HOXA2: variants seen among roughly 807,000 people sequenced by gnomAD.
HOXA2 encodes the protein homeobox protein Hox-A2.
A neutral mutation model predicts 27.2 loss-of-function variants in HOXA2; 4 were observed. The ratio of observed to expected loss-of-function variants is 0.15; its 90% CI spans 0.07 to 0.34. The LOEUF (loss-of-function observed/expected upper bound fraction) is 0.34, where lower values mean the gene tolerates loss of function less well. Ranked by LOEUF, HOXA2 falls within the 10% of genes least tolerant of loss-of-function variation. The pLI is 1.00. For missense variants in HOXA2, 430 were observed against 473.2 expected (o/e 0.91, Z 0.85); for synonymous variants, 200 against 202.8 (o/e 0.99, Z 0.12).
Position 27,100,676 on chromosome 7 carries a change from C to T in HOXA2, c.*50G>A, listed in dbSNP as rs1562702832. On this transcript the variant is annotated 3_prime_UTR_variant, in exon 2 of 2. Coordinates refer to ENST00000222718, the MANE Select transcript of HOXA2 (RefSeq NM_006735.4). ...CCCAAATAAAAGAAGGCAAAACCAC[C>T]TGGTCAAAGGAGTTTTTGTTTGGTG... The T allele has an allele frequency of 6.2e-7, 1 of 1,606,490 alleles. No individual in the cohort carries two copies. Among genetic ancestry groups the T allele is most frequent in the South Asian group, 1.1e-5 (1 of 90,324 alleles).
chr7:27,101,528 G>A, intron 1 of HOXA2, 63 bp from the exon 2 acceptor site: 1 of 1,560,148 alleles, frequency 6.4e-7, no homozygotes, highest in South Asian at 1.1e-5. Flanking sequence ...TCCGAGCGGG[G>A]TTATTCCACT....
In HOXA2 at chr7:27,102,015, C is replaced by T; in HGVS notation, c.391+95G>A. Reference sequence around the variant, plus strand: ...GCATCTCTCCCTCTCCTCCTTCTCTCCCAGCCCACTCTCCCCTCCCCCCAC... The same window carrying T: ...GCATCTCTCCCTCTCCTCCTTCTCTTCCAGCCCACTCTCCCCTCCCCCCAC... On this transcript the variant is annotated intron_variant, in intron 1 of 1. Transcript: ENST00000222718. This position sits in a 1 kb window ranked among gnomAD's most constrained non-coding sequence, Gnocchi z 4.6. The T allele has an allele frequency of 6.5e-7, 1 of 1,539,252 alleles. No individual in the cohort carries two copies. The highest frequency in any genetic ancestry group is 1.4e-5 in the African/African-American group (1 of 73,704).
intron 1 of HOXA2, 197 bp from the exon 2 acceptor site, chr7:27,101,662 C>A (rs1583408109): frequency 1.4e-6 from 1 of 691,118 alleles, no homozygotes; most frequent in Non-Finnish European, 2.6e-6. Flanking sequence ...CCATCTCTAT[C>A]GAATTCATGC....
rs968963087 is a variant in HOXA2, at chr7:27,101,196, C to T, written c.661G>A (p.Glu221Lys). 7.4e-6 allele frequency: 12 copies of T among 1,614,166 alleles called. No individual in the cohort carries two copies. In the East Asian group the frequency reaches 2.0e-4, roughly 27 times the overall value. ...TCTTCCTCGTCCTCCTCTACTTTCT[C>T]GGAGTCCTCAAGGCTTTTACATTTC... ...EGKCKSLEDS[E>K]KVEEDEEEKT... is the part of the protein sequence containing the mutation. Residue 221 changes from glutamate to lysine, a missense_variant, in exon 2 of 2, where the codon GAG (glutamate) becomes AAG (lysine). Glu to Lys is a moderately conservative substitution (Grantham distance 56). This residue lies in a region of HOXA2 where 236 missense variants were observed against 208.5 expected (regional missense o/e 1.13). Coordinates refer to ENST00000222718, the MANE Select transcript of HOXA2 (RefSeq NM_006735.4).
chr7:27,102,678 T>C lies in HOXA2; in HGVS notation c.-178A>G, dbSNP rs1783950065. The C allele has an allele frequency of 1.5e-5, 9 of 608,762 alleles. No individual in the cohort carries two copies. In the South Asian group the frequency reaches 1.7e-4, roughly 12 times the overall value. 37.7% of individuals were successfully genotyped at this position (608,762 alleles called of 1,614,324 possible). A position where few individuals can be genotyped will look rare whatever the true frequency, so the allele number is the denominator to read the frequency against. On this transcript the variant is annotated 5_prime_UTR_variant, in exon 1 of 2. Transcript: ENST00000222718. The surrounding 1 kb of genome is among the most constrained non-coding windows in gnomAD (Gnocchi z 4.6). ...AGCCGTATGGGGACCGCGCTACTAT[T>C]AAACTATTGAATTCATGGAGACAAG...
At position 27,101,303 on chromosome 7, in the gene HOXA2, C is replaced by G. The variant is rs748564970; in HGVS notation, c.554G>C (p.Arg185Thr). ...EIAALLDLTE[R>T]QVKVWFQNRR... Reference sequence around the variant, plus strand: ...GTTCTGAAACCACACTTTCACTTGTCTCTCAGTCAAATCCAGCAGCGCTGC... The same window carrying G: ...GTTCTGAAACCACACTTTCACTTGTGTCTCAGTCAAATCCAGCAGCGCTGC... Residue 185 changes from arginine to threonine, a missense_variant, in exon 2 of 2, where the codon AGA (arginine) becomes ACA (threonine). Around this residue, in one of 4 missense-constraint regions of HOXA2, gnomAD observed 26 missense variants for 41.0 expected, o/e 0.63. Transcript: ENST00000222718. The G allele has an allele frequency of 2.5e-6, 4 of 1,614,210 alleles. No homozygotes were observed. Among genetic ancestry groups the G allele is most frequent in the Middle Eastern group, 3.3e-4 (2 of 6,062 alleles).
chr7:27,102,011 C>T lies in HOXA2; in HGVS notation c.391+99G>A. 6.6e-7 allele frequency: 1 copy of T among 1,524,664 alleles called. No homozygotes were observed. Among genetic ancestry groups the T allele is most frequent in the Non-Finnish European group, 8.9e-7 (1 of 1,126,190 alleles). 94.4% of individuals were successfully genotyped at this position (1,524,664 alleles called of 1,614,324 possible). ...CCAAGCATCTCTCCCTCTCCTCCTT[C>T]TCTCCCAGCCCACTCTCCCCTCCCC... On this transcript the variant is annotated intron_variant, in intron 1 of 1. Transcript: ENST00000222718. The surrounding 1 kb of genome is among the most constrained non-coding windows in gnomAD (Gnocchi z 4.6).
intron 1 of HOXA2, chr7:27,101,794 A>G (rs1783931421): frequency 4.4e-6 from 3 of 687,274 alleles, no homozygotes; most frequent in Non-Finnish European, 8.0e-6. Flanking sequence ...CATTACTGTC[A>G]AAAAGCCAAA....
At chr7:27,101,696 A>C in intron 1 of HOXA2, 1 of 658,516 alleles carries the variant, frequency 1.5e-6, no homozygotes, top group Non-Finnish European at 2.7e-6. Context: ...CAACCTCTTC[A>C]TCCGGGAGCA....
At chr7:27,101,506 G>A in intron 1 of HOXA2, 41 bp from the exon 2 acceptor site, 1 of 1,597,532 alleles carries the variant, frequency 6.3e-7, no homozygotes, top group Non-Finnish European at 8.5e-7. Context: ...CGCACAGTTG[G>A]AGGTGGAGGG....
At position 27,100,898 on chromosome 7, in the gene HOXA2, G is replaced by A. The variant is rs1201029200; in HGVS notation, c.959C>T (p.Pro320Leu). The A allele has an allele frequency of 1.2e-6, 2 of 1,614,090 alleles. No individual in the cohort carries two copies. The highest frequency in any genetic ancestry group is 1.7e-6 in the Non-Finnish European group (2 of 1,180,044). ...GAAAACGCTAAAGTCCTGCAAAGAGGGGACCTCAAGGGCCTCAGGACTGTC... is the reference window on the plus strand; with the variant it reads ...GAAAACGCTAAAGTCCTGCAAAGAGAGGACCTCAAGGGCCTCAGGACTGTC... ...NNDSPEALEV[P>L]SLQDFSVFST... The change falls in exon 2 of 2, where the codon CCC (proline) becomes CTC (leucine). Residue 320 changes from proline (P) to leucine (L), a missense_variant. Pro to Leu is a moderately conservative substitution (Grantham distance 98). Around this residue, in one of 4 missense-constraint regions of HOXA2, gnomAD observed 236 missense variants for 208.5 expected, o/e 1.13. Coordinates refer to ENST00000222718, the MANE Select transcript of HOXA2 (RefSeq NM_006735.4).
Position 27,101,076 on chromosome 7 carries a change from C to G in HOXA2, c.781G>C (p.Ala261Pro). 1.2e-6 allele frequency: 2 copies of G among 1,614,166 alleles called. No homozygotes were observed. The highest frequency in any genetic ancestry group is 1.7e-6 in the Non-Finnish European group (2 of 1,180,032). ...GAGTCGCCATTGTGTCCATTGGGAGCCTGCTGCTGAGAGAGGGCATTTTGC... is the reference window on the plus strand; with the variant it reads ...GAGTCGCCATTGTGTCCATTGGGAGGCTGCTGCTGAGAGAGGGCATTTTGC... ...FQQNALSQQQ[A>P]PNGHNGDSQS... Residue 261 changes from alanine to proline, a missense_variant, in exon 2 of 2, where the codon GCT becomes CCT. This residue lies in a region of HOXA2 where 236 missense variants were observed against 208.5 expected (regional missense o/e 1.13). Transcript: ENST00000222718.
At position 27,102,252 on chromosome 7, in the gene HOXA2, G is replaced by C; in HGVS notation, c.249C>G (p.Ser83Arg). The C allele has an allele frequency of 6.7e-7, 1 of 1,501,354 alleles. No homozygotes were observed. Among genetic ancestry groups the C allele is most frequent in the Non-Finnish European group, 8.9e-7 (1 of 1,124,858 alleles). The allele number at this position is 1,501,354 out of a possible 1,614,324, so 93.0% of individuals were successfully genotyped here. A position where few individuals can be genotyped will look rare whatever the true frequency, so the allele number is the denominator to read the frequency against. Residue 83 changes from serine to arginine, a missense_variant, in exon 1 of 2, where the codon AGC (serine) becomes AGG (arginine). Physicochemically the swap from Ser to Arg is moderately radical, Grantham distance 110. Transcript: ENST00000222718. This position sits in a 1 kb window ranked among gnomAD's most constrained non-coding sequence, Gnocchi z 4.6. ...PKPSPAGSRG[S>R]PVPAGALQPP... ...GCTGCAGGGCGCCGGCGGGCACCGGGCTGCCGCGGCTGCCCGCGGGGCTCG... is the reference window on the plus strand; with the variant it reads ...GCTGCAGGGCGCCGGCGGGCACCGGCCTGCCGCGGCTGCCCGCGGGGCTCG...
rs1783943969 is a variant in HOXA2, at chr7:27,102,322, T to C, written c.179A>G (p.Asn60Ser). The C allele has an allele frequency of 6.8e-6, 11 of 1,612,668 alleles. No homozygotes were observed. Among genetic ancestry groups the C allele is most frequent in the Non-Finnish European group, 9.3e-6 (11 of 1,179,450 alleles). The change falls in exon 1 of 2, where the codon AAC becomes AGC. Residue 60 changes from asparagine (N) to serine (S), a missense_variant. By Grantham distance (46) the Asn-to-Ser change is conservative. This residue lies in a region of HOXA2 where 166 missense variants were observed against 207.6 expected (regional missense o/e 0.80). Coordinates refer to ENST00000222718, the MANE Select transcript of HOXA2 (RefSeq NM_006735.4). The surrounding 1 kb of genome is among the most constrained non-coding windows in gnomAD (Gnocchi z 4.6). ...PPFEQTIPSL[N>S]PGSHPRHGAG... The stretch of plus-strand genomic sequence containing the variant: ...GCCGTGGCGAGGGTGACTGCCGGGG[T>C]TCAGGCTGGGAATGGTCTGCTCAAA...
chr7:27,102,172 A>T lies in HOXA2; in HGVS notation c.329T>A (p.Leu110Gln), dbSNP rs754397883. 8.3e-6 allele frequency: 13 copies of T among 1,567,894 alleles called. No individual in the cohort carries two copies. The highest frequency in any genetic ancestry group is 1.7e-4 in the Middle Eastern group (1 of 5,976). ...EKKAAKKTAL[L>Q]PAAAAAATAA... ...GGTGGCGGCGGCGGCGGCGGCCGGC[A>T]GAAGTGCGGTTTTCTTGGCCGCCTT... Residue 110 changes from leucine (L) to glutamine (Q), a missense_variant, in exon 1 of 2, where the codon CTG (leucine) becomes CAG (glutamine). Physicochemically the swap from Leu to Gln is moderately radical, Grantham distance 113. Transcript: ENST00000222718. This position sits in a 1 kb window ranked among gnomAD's most constrained non-coding sequence, Gnocchi z 4.6.
At position 27,102,139 on chromosome 7, in the gene HOXA2, G is replaced by A. The variant is rs1783938509; in HGVS notation, c.362C>T (p.Ala121Val). ...GTGGCTGAGGCAAGCAGGGCCGGTG[G>A]CTGCGGCGGTGGCGGCGGCGGCGGC... ...PAAAAAATAA[A>V]TGPACLSHKE... The change falls in exon 1 of 2, where the codon GCC (alanine) becomes GTC (valine). Residue 121 changes from alanine to valine, a missense_variant. By Grantham distance (64) the Ala-to-Val change is moderately conservative. Transcript: ENST00000222718. This position sits in a 1 kb window ranked among gnomAD's most constrained non-coding sequence, Gnocchi z 4.6. 1 of 1,597,896 alleles carries A rather than the reference G, an allele frequency of 6.3e-7. No homozygotes were observed. The highest frequency in any genetic ancestry group is 8.5e-7 in the Non-Finnish European group (1 of 1,172,906).
rs762796761 is a variant in HOXA2, at chr7:27,101,359, C to G, written c.498G>C (p.Lys166Asn). ...CCACCCTTCGGGGTCTGCAAAGGTA[C>G]TTGTTGAAATGAAATTCTTTTTCCA... ...LELEKEFHFNKYLCRPRRVEI... is the reference protein window; with the variant it reads ...LELEKEFHFNNYLCRPRRVEI... The change falls in exon 2 of 2, where the codon AAG becomes AAC. Residue 166 changes from lysine (K) to asparagine (N), a missense_variant. Physicochemically the swap from Lys to Asn is moderately conservative, Grantham distance 94. Coordinates refer to ENST00000222718, the MANE Select transcript of HOXA2 (RefSeq NM_006735.4). The G allele has an allele frequency of 9.9e-6, 16 of 1,612,520 alleles. No individual in the cohort carries two copies. Among genetic ancestry groups the G allele is most frequent in the Non-Finnish European group, 1.4e-5 (16 of 1,180,034 alleles).
Position 27,102,280 on chromosome 7 carries a change from T to C in HOXA2, c.221A>G (p.Lys74Arg). 1 of 1,593,112 alleles carries C rather than the reference T, an allele frequency of 6.3e-7. No individual in the cohort carries two copies. The highest frequency in any genetic ancestry group is 8.5e-7 in the Non-Finnish European group (1 of 1,170,160). ...HPRHGAGGRP[K>R]PSPAGSRGSP... is the part of the protein sequence containing the mutation. ...GCCGCGGCTGCCCGCGGGGCTCGGC[T>C]TGGGGCGGCCGCCAGCGCCGTGGCG... The change falls in exon 1 of 2, where the codon AAG becomes AGG. Residue 74 changes from lysine (K) to arginine (R), a missense_variant. Lys to Arg is a conservative substitution (Grantham distance 26, BLOSUM62 2). This residue lies in a region of HOXA2 where 166 missense variants were observed against 207.6 expected (regional missense o/e 0.80). Transcript: ENST00000222718. The surrounding 1 kb of genome is among the most constrained non-coding windows in gnomAD (Gnocchi z 4.6).
chr7:27,101,442 T>C lies in HOXA2; in HGVS notation c.415A>G (p.Ser139Gly). The C allele has an allele frequency of 6.2e-7, 1 of 1,600,598 alleles. No individual in the cohort carries two copies. Residue 139 changes from serine (S) to glycine (G), a missense_variant, in exon 2 of 2, where the codon AGC becomes GGC. By Grantham distance (56) the Ser-to-Gly change is moderately conservative. Around this residue, in one of 4 missense-constraint regions of HOXA2, gnomAD observed 166 missense variants for 207.6 expected, o/e 0.80. Transcript: ENST00000222718. ...CTCAGGCGCCGCGATCCCCCGCCGC[T>C]GCCATCGGCGATTTCCAGGGATTCT... ...HKESLEIADG[S>G]GGGSRRLRTA...
Sources: gnomAD v4.1 joint callset for allele counts on GRCh38, gnomAD v4.1.1 for gene constraint, gnomAD v4.1.1 regional missense constraint, Gnocchi (gnomAD v3.1) non-coding constraint, MANE v1.5 for transcripts, NCBI Gene and HGNC (gene_info 2026-07-23, HGNC 2026-07-21) for gene names.